The following NLRP7 variants were observed in gnomAD, a reference collection of about 807,000 sequenced individuals.
NLRP7 encodes the protein NACHT, LRR and PYD domains-containing protein 7.
NLRP7 carries 72 observed loss-of-function variants against 85.5 expected under a neutral mutation model. The ratio of observed to expected loss-of-function variants is 0.84; its 90% CI spans 0.70 to 1.02. NLRP7 has a LOEUF of 1.02. Among genes scored for constraint, NLRP7 ranks in the 50% least tolerant of loss-of-function variants. NLRP7 has a pLI of 0.00. For synonymous variants in NLRP7, 550 were observed against 505.2 expected (o/e 1.09, Z -1.19); for missense variants, 1,243 against 1,219.5 (o/e 1.02, Z -0.29).
chr19:54,923,709 C>T, exon 10 of NLRP7: 1 of 1,611,738 alleles, frequency 6.2e-7, no homozygotes, highest in Non-Finnish European at 8.5e-7. Context: ...ATCCCGCTTC[C>T]TGTGTAATTC....
upstream of NLRP7, among the ~76,000 whole-genome samples, chr19:54,950,318 A>G (rs985395080): frequency 1.3e-5 from 2 of 152,138 alleles, no homozygotes; most frequent in African/African-American, 2.4e-5. Context: ...ACCTGTGGGC[A>G]TTTCTCGTTA....
intron 1 of NLRP7, among the ~76,000 whole-genome samples, chr19:54,958,489 A>C (rs554005373): frequency 5.1e-4 from 78 of 151,738 alleles, no homozygotes; most frequent in African/African-American, 1.9e-3. Context: ...AAAATACAAA[A>C]AGTTAGCTAG....
chr19:54,954,937 C>T (rs1397577150), intron 1 of NLRP7, among the ~76,000 whole-genome samples: 3 of 152,142 alleles, frequency 2.0e-5, no homozygotes, highest in Non-Finnish European at 4.4e-5. Flanking sequence ...TCCTAATAAG[C>T]TTGCTTCCAC....
intron 9 of NLRP7, 72 bp from the exon 10 acceptor site, chr19:54,927,847 T>C (rs545273551): frequency 1.3e-4 from 177 of 1,385,958 alleles, no homozygotes; most frequent in Admixed American, 2.5e-4. Context: ...ATCCCAACAC[T>C]TCGGGAGGCC....
intron 1 of NLRP7, among the ~76,000 whole-genome samples, chr19:54,952,773 G>A (rs917409144): frequency 6.6e-6 from 1 of 152,002 alleles, no homozygotes; most frequent in Non-Finnish European, 1.5e-5. Context: ...GTGTAACCAG[G>A]GCAACTCCAT....
chr19:54,932,810 C>A (rs997380237), intron 8 of NLRP7, among the ~76,000 whole-genome samples: 3 of 152,094 alleles, frequency 2.0e-5, no homozygotes, highest in African/African-American at 7.2e-5. Flanking sequence ...CACGCACCAC[C>A]AAGCCTGGTT....
chr19:54,941,895 G>A lies in NLRP7; in HGVS notation c.-39-145C>T, dbSNP rs991306688. On this transcript the variant is annotated intron_variant, in intron 1 of 9. Transcript: ENST00000340844. ...ACTGAATTAAGAGACTGAAAATCTG[G>A]CCCAGCACGGTGGCTCACGCCTGCG... 3 of 703,512 alleles carry A rather than the reference G, an allele frequency of 4.3e-6. No individual in the cohort carries two copies. The African/African-American group carries it at 5.4e-5, about 13-fold the overall frequency. The allele number at this position is 703,512 out of a possible 1,614,324, so 43.6% of individuals were successfully genotyped here.
chr19:54,939,325 C>T, exon 4 of NLRP7: 1 of 1,614,122 alleles, frequency 6.2e-7, no homozygotes, highest in South Asian at 1.1e-5. Flanking sequence ...TCTGTACGTC[C>T]CCGATGTCCC....
chr19:54,941,530 G>C, exon 2 of NLRP7: 1 of 1,613,882 alleles, frequency 6.2e-7, no homozygotes, highest in Non-Finnish European at 8.5e-7. Context: ...TTCTGAGGAG[G>C]TGTTGACCAG....
At chr19:54,940,757 G>A (rs2069185768) in intron 3 of NLRP7, among the ~76,000 whole-genome samples, 174 bp downstream of exon 3, 2 of 151,828 alleles carry the variant, frequency 1.3e-5, no homozygotes, top group Admixed American at 6.6e-5. Flanking sequence ...AACCCGGGAG[G>A]CAGAGGTTGC....
exon 10 of NLRP7, chr19:54,923,676 C>A (rs2068311771): frequency 6.3e-7 from 1 of 1,579,000 alleles, no homozygotes; most frequent in African/African-American, 1.3e-5. Flanking sequence ...GACCTGCATT[C>A]ATAAGACATC....
chr19:54,942,849 TA>T (rs1354033614), intron 1 of NLRP7, among the ~76,000 whole-genome samples: 1 of 151,240 alleles, frequency 6.6e-6, no homozygotes, highest in Non-Finnish European at 1.5e-5. Context: ...AGGACAGATA[TA>T]AATATAACTG....
exon 4 of NLRP7, chr19:54,939,366 C>G: frequency 6.2e-7 from 1 of 1,614,138 alleles, no homozygotes; most frequent in South Asian, 1.1e-5. Context: ...TCCCCCTCCT[C>G]CTTCTCCAGG....
In NLRP7 at chr19:54,936,357, T is replaced by C. The variant is rs2068925515; in HGVS notation, c.2204A>G (p.His735Arg). Residue 735 changes from histidine to arginine, a missense_variant, in exon 6 of 10, where the codon CAC becomes CGC. Coordinates refer to ENST00000340844, the Ensembl canonical transcript of NLRP7. ...CTCGATGTGCCCTGCCAGGGTCAGG[T>C]GCGTGAGGGTCTTCTTCCCAATGAA... 1.9e-6 allele frequency: 3 copies of C among 1,614,070 alleles called. No individual in the cohort carries two copies. In the East Asian group the frequency reaches 6.7e-5, roughly 36 times the overall value.
Position 54,938,080 on chromosome 19 carries a change from TG to T in NLRP7, c.2092del (p.His698ThrfsTer2). 1.2e-6 allele frequency: 2 copies of T among 1,614,032 alleles called. No individual in the cohort carries two copies. The highest frequency in any genetic ancestry group is 1.7e-6 in the Non-Finnish European group (2 of 1,179,992). On this transcript the variant is annotated frameshift_variant, in exon 5 of 10. Coordinates refer to ENST00000340844, the Ensembl canonical transcript of NLRP7. LOFTEE classifies it high-confidence loss of function. ...CAGATGACAGGTGCTACGGGTTACG[TG>T]GTCACAAAGAATCCGCACAGAAGAG...
rs1300347137 is a variant in NLRP7, at chr19:54,934,682, C to T, written c.2301-23G>A. On this transcript the variant is annotated intron_variant, in intron 6 of 9. Transcript: ENST00000340844. This position sits in a 1 kb window ranked among gnomAD's most constrained non-coding sequence, Gnocchi z 6.7. ...AACCTGTGAAAAGAGTGGGAAAAGTCATTCTTCTGGGAGGACAGAGTATAC... is the reference window on the plus strand; with the variant it reads ...AACCTGTGAAAAGAGTGGGAAAAGTTATTCTTCTGGGAGGACAGAGTATAC... 6.2e-7 allele frequency: 1 copy of T among 1,601,924 alleles called. No homozygotes were observed. Among genetic ancestry groups the T allele is most frequent in the Non-Finnish European group, 8.5e-7 (1 of 1,172,676 alleles).
In NLRP7 at chr19:54,934,479, G is replaced by A. The variant is rs527523229; in HGVS notation, c.2471+10C>T. 1 of 1,614,022 alleles carries A rather than the reference G, an allele frequency of 6.2e-7. No individual in the cohort carries two copies. The highest frequency in any genetic ancestry group is 2.2e-5 in the East Asian group (1 of 44,876). On this transcript the variant is annotated intron_variant, in intron 7 of 9. Transcript: ENST00000340844. The surrounding 1 kb of genome is among the most constrained non-coding windows in gnomAD (Gnocchi z 6.7). The stretch of plus-strand genomic sequence containing the variant: ...TAAACCAGAGCTGCCCATGGGAAGA[G>A]GAGACTTACGACAACATCTGCAGGA...
chr19:54,953,727 G>A (rs771277557), intron 1 of NLRP7, among the ~76,000 whole-genome samples: 3 of 152,018 alleles, frequency 2.0e-5, no homozygotes, highest in Non-Finnish European at 4.4e-5. Flanking sequence ...GCCAGGCCGG[G>A]CGCGGTGGCT....
chr19:54,959,177 C>T (rs553952844), intron 1 of NLRP7, among the ~76,000 whole-genome samples: 147 of 146,848 alleles, frequency 1.0e-3, no homozygotes, highest in African/African-American at 3.6e-3. Context: ...CTTGCTCTGT[C>T]GCTAAGGCTG....
Sources: gnomAD v4.1 joint callset for allele counts (sites outside exome capture counted in the v4.1 genomes callset) on GRCh38, gnomAD v4.1.1 for gene constraint, Gnocchi (gnomAD v3.1) non-coding constraint, MANE v1.5 for transcripts, NCBI Gene and HGNC (gene_info 2026-07-23, HGNC 2026-07-21) for gene names.